The following RAB27A variants were observed in gnomAD, a reference collection of about 807,000 sequenced individuals.
The protein encoded by RAB27A is ras-related protein Rab-27A.
A neutral mutation model predicts 20.8 loss-of-function variants in RAB27A; 17 were observed. The observed-to-expected ratio is 0.82, with a 90% CI of 0.56 to 1.23. The LOEUF (loss-of-function observed/expected upper bound fraction) is 1.23. Among genes scored for constraint, RAB27A ranks in the 50% most tolerant of loss-of-function variants. The pLI, the probability that RAB27A is intolerant of heterozygous loss-of-function variation, is 0.00. For synonymous variants in RAB27A, 85 were observed against 92.8 expected (o/e 0.92, Z 0.48); for missense variants, 277 against 266.7 (o/e 1.04, Z -0.27).
At chr15:55,210,787 A>G (rs953725708) in intron 6 of RAB27A, among the ~76,000 whole-genome samples, 1 of 151,990 alleles carries the variant, frequency 6.6e-6, no homozygotes, top group Non-Finnish European at 1.5e-5. Flanking sequence ...CCATATTTCT[A>G]TTCTTGTGTT....
At chr15:55,216,089 T>A (rs2140934835) in intron 6 of RAB27A, among the ~76,000 whole-genome samples, 1 of 151,960 alleles carries the variant, frequency 6.6e-6, no homozygotes, top group Admixed American at 6.6e-5. Flanking sequence ...TAATACCAAA[T>A]AACATCAGTA....
chr15:55,305,869 A>T (rs1763746839), intron 2 of RAB27A, among the ~76,000 whole-genome samples: 1 of 152,214 alleles, frequency 6.6e-6, no homozygotes, highest in Non-Finnish European at 1.5e-5. Flanking sequence ...ACAGGTTGTG[A>T]TACCGCCAGT....
intron 2 of RAB27A, among the ~76,000 whole-genome samples, chr15:55,295,579 G>A (rs1479611339): frequency 6.6e-6 from 1 of 152,160 alleles, no homozygotes; most frequent in Non-Finnish European, 1.5e-5. Flanking sequence ...TACACTAAGT[G>A]AAAGAAGTCA....
chr15:55,206,430 G>A (rs1894655595), intron 6 of RAB27A: 3 of 174,270 alleles, frequency 1.7e-5, no homozygotes, highest in South Asian at 3.8e-4. Context: ...GTTCCCAGGC[G>A]ACTTCCCAGG....
At chr15:55,269,292 G>T (rs1897622277) in intron 2 of RAB27A, among the ~76,000 whole-genome samples, 1 of 152,004 alleles carries the variant, frequency 6.6e-6, no homozygotes, top group African/African-American at 2.4e-5. Flanking sequence ...TTTCACTCCG[G>T]CATACTTCAT....
chr15:55,291,710 G>A (rs991480495), upstream of RAB27A, among the ~76,000 whole-genome samples: 4 of 152,042 alleles, frequency 2.6e-5, no homozygotes, highest in Non-Finnish European at 5.9e-5. Context: ...GCTCTCACCA[G>A]GAGTATACCA....
intron 1 of RAB27A, among the ~76,000 whole-genome samples, chr15:55,279,193 G>A (rs558584418): frequency 6.6e-6 from 1 of 152,280 alleles, no homozygotes; most frequent in Non-Finnish European, 1.5e-5. Flanking sequence ...CCCATGGCCT[G>A]TCCTCCCATA....
chr15:55,227,267 T>C (rs1218070893), intron 5 of RAB27A, among the ~76,000 whole-genome samples: 1 of 152,180 alleles, frequency 6.6e-6, no homozygotes, highest in Non-Finnish European at 1.5e-5. Context: ...GAAAAACAGG[T>C]GCGTTATTTT....
In RAB27A at chr15:55,255,532, C is replaced by G. The variant is rs147034662; in HGVS notation, c.-23+14633G>C. ...TAATTGTGTCTATCATCTGCTTTCT[C>G]TAATAGCCTTTTCCTTCCGCTGGTT... On this transcript the variant is annotated intron_variant, in intron 2 of 6. Transcript: ENST00000336787. 9.5e-4 allele frequency among the ~76,000 whole-genome samples: 145 copies of G among 152,338 alleles called. 1 individual carries two copies. Among genetic ancestry groups the G allele is most frequent in the Middle Eastern group, 3.4e-3 (1 of 294 alleles).
rs1396683882 is a variant in RAB27A at position 55,203,025 on chromosome 15, A to G, written c.*2482T>C. On this transcript the variant is annotated 3_prime_UTR_variant, in exon 7 of 7. Coordinates refer to ENST00000336787, the MANE Select transcript of RAB27A (RefSeq NM_183235.3). ...AATTGGCACATGGTTCACTGAAGAT[A>G]CACTTCACTTTTACATAGGCTTGTA... The G allele has an allele frequency of 6.6e-6, 1 of 152,260 alleles. No homozygotes were observed. Among genetic ancestry groups the G allele is most frequent in the Non-Finnish European group, 1.5e-5 (1 of 68,046 alleles). 9.4% of individuals were successfully genotyped at this position (152,260 alleles called of 1,614,324 possible).
chr15:55,254,381 C>T (rs1291422465), intron 2 of RAB27A, among the ~76,000 whole-genome samples: 1 of 152,028 alleles, frequency 6.6e-6, no homozygotes, highest in African/African-American at 2.4e-5. Context: ...ATCTATTTTC[C>T]TAGATATATC....
intron 2 of RAB27A, among the ~76,000 whole-genome samples, chr15:55,236,468 T>C (rs1379005113): frequency 6.6e-6 from 1 of 152,194 alleles, no homozygotes; most frequent in Non-Finnish European, 1.5e-5. Flanking sequence ...CGCTTACCTA[T>C]GTTTACCTGG....
chr15:55,220,144 TC>T (rs1306045971), intron 6 of RAB27A, among the ~76,000 whole-genome samples: 26 of 152,342 alleles, frequency 1.7e-4, no homozygotes, highest in African/African-American at 5.3e-4. Context: ...ACTGTAGTGT[TC>T]TTTATTAGGC....
At position 55,241,600 on chromosome 15, in the gene RAB27A, T is replaced by TTATATA. The variant is rs58693379; in HGVS notation, c.-22-6650_-22-6645dup. Among the ~76,000 whole-genome samples, 917 of 123,874 alleles carry TTATATA rather than the reference T, an allele frequency of 7.4e-3. 23 individuals are homozygous for TTATATA. The highest frequency in any genetic ancestry group is 0.025 in the African/African-American group (596 of 23,458). The allele number at this position is 123,874 out of a possible 152,430, so 81.3% of individuals were successfully genotyped here. On this transcript the variant is annotated intron_variant, in intron 2 of 6. Transcript: ENST00000336787. ...AGCCCAGGCAACTAGCAAGACCTAT[T>TTATATA]TATATATATATATATATATATATAT...
chr15:55,298,593 C>G (rs1353294315), intron 2 of RAB27A, among the ~76,000 whole-genome samples: 1 of 152,118 alleles, frequency 6.6e-6, no homozygotes, highest in African/African-American at 2.4e-5. Flanking sequence ...GCACCAGTGT[C>G]ACTGATAACA....
Position 55,203,681 on chromosome 15 carries a change from C to G in RAB27A, c.*1826G>C, listed in dbSNP as rs955148751. ...TCGTGATCCGCCCTCCTCGGCCTCC[C>G]AAAGTGCTGGGATTACAGGTGTGAG... On this transcript the variant is annotated 3_prime_UTR_variant, in exon 7 of 7. Transcript: ENST00000336787. 2 of 151,482 alleles carry G rather than the reference C, an allele frequency of 1.3e-5. No homozygotes were observed. The highest frequency in any genetic ancestry group is 2.4e-5 in the African/African-American group (1 of 41,206). The allele number at this position is 151,482 out of a possible 1,614,324, so 9.4% of individuals were successfully genotyped here.
chr15:55,222,541 G>A (rs1039945770), intron 6 of RAB27A, among the ~76,000 whole-genome samples: 16 of 152,050 alleles, frequency 1.1e-4, no homozygotes, highest in African/African-American at 3.9e-4. Context: ...CTGTCCTCCA[G>A]GGATCAAATC....
Position 55,205,451 on chromosome 15 carries a change from A to G in RAB27A, c.*56T>C. 1 of 1,531,596 alleles carries G rather than the reference A, an allele frequency of 6.5e-7. No homozygotes were observed. The highest frequency in any genetic ancestry group is 9.0e-7 in the Non-Finnish European group (1 of 1,105,316). 94.9% of individuals were successfully genotyped at this position (1,531,596 alleles called of 1,614,324 possible). A position where few individuals can be genotyped will look rare whatever the true frequency, so the allele number is the denominator to read the frequency against. On this transcript the variant is annotated 3_prime_UTR_variant, in exon 7 of 7. Coordinates refer to ENST00000336787, the MANE Select transcript of RAB27A (RefSeq NM_183235.3). Reference sequence around the variant, plus strand: ...TCTCTCACTGTGCCATGTATCAATCATAGAGAAGATCCCAGGCATGGGCCA... The same window carrying G: ...TCTCTCACTGTGCCATGTATCAATCGTAGAGAAGATCCCAGGCATGGGCCA...
intron 2 of RAB27A, among the ~76,000 whole-genome samples, chr15:55,308,026 C>T (rs577092698): frequency 1.3e-5 from 2 of 152,240 alleles, no homozygotes; most frequent in East Asian, 1.9e-4. Flanking sequence ...ACTATGTCCT[C>T]GTGAGGTTCC....
Sources: gnomAD v4.1 joint callset for allele counts (sites outside exome capture counted in the v4.1 genomes callset) on GRCh38, gnomAD v4.1.1 for gene constraint, MANE v1.5 for transcripts, NCBI Gene and HGNC (gene_info 2026-07-23, HGNC 2026-07-21) for gene names.